Variants in FYN observed in about 807,000 individuals in gnomAD.
FYN encodes the protein tyrosine-protein kinase Fyn.
A neutral mutation model predicts 70.2 loss-of-function variants in FYN; 10 were observed. That is an observed-to-expected ratio of 0.14 (90% CI 0.09 to 0.24). The LOEUF is 0.24. FYN is among the 10% of genes least tolerant of loss of function. The pLI is 1.00. For synonymous variants in FYN, 236 were observed against 248.6 expected (o/e 0.95, Z 0.48); for missense variants, 319 against 673.1 (o/e 0.47, Z 5.82).
At chr6:111,702,470 T>A (rs1562480256) in intron 8 of FYN, 3 of 156,514 alleles carry the variant, frequency 1.9e-5, no homozygotes, top group Non-Finnish European at 2.8e-5. Context: ...CGTGCAGCTA[T>A]TCCTGCAACA....
At chr6:111,731,578 G>C (rs965737349) in intron 3 of FYN, among the ~76,000 whole-genome samples, 8 of 152,214 alleles carry the variant, frequency 5.3e-5, no homozygotes, top group African/African-American at 1.9e-4. Flanking sequence ...CCAGAAATCA[G>C]CAACAACAGC....
At chr6:111,823,240 C>T (rs1260753765) in intron 2 of FYN, among the ~76,000 whole-genome samples, 7 of 152,178 alleles carry the variant, frequency 4.6e-5, no homozygotes, top group Non-Finnish European at 7.3e-5. Context: ...AACGGAGGAC[C>T]CAGAAACCAC....
chr6:111,855,691 A>G (rs1773806205), intron 1 of FYN, among the ~76,000 whole-genome samples: 1 of 152,236 alleles, frequency 6.6e-6, no homozygotes, highest in Non-Finnish European at 1.5e-5. Flanking sequence ...TAACGGTATC[A>G]TAGACAAGTC....
intron 3 of FYN, among the ~76,000 whole-genome samples, chr6:111,726,147 A>T (rs1158727104): frequency 1.3e-5 from 2 of 152,230 alleles, no homozygotes; most frequent in African/African-American, 4.8e-5. Context: ...CAACATAATC[A>T]GCTAACATTT....
intron 2 of FYN, among the ~76,000 whole-genome samples, chr6:111,786,304 G>A (rs372204090): frequency 1.3e-5 from 2 of 152,008 alleles, no homozygotes; most frequent in South Asian, 4.2e-4. Context: ...GTGAGAACAT[G>A]CGGTGTTTGG....
chr6:111,776,798 A>G (rs1405531), intron 3 of FYN, among the ~76,000 whole-genome samples: 12 of 152,294 alleles, frequency 7.9e-5, no homozygotes, highest in Admixed American at 1.3e-4. Context: ...ATAAATTGAC[A>G]TATGTTGCTT....
At chr6:111,864,220 C>T (rs921355437) in intron 1 of FYN, among the ~76,000 whole-genome samples, 2 of 152,168 alleles carry the variant, frequency 1.3e-5, no homozygotes, top group African/African-American at 4.8e-5. Flanking sequence ...TGGGCACCAC[C>T]TCCACCCTCA....
chr6:111,773,059 T>C (rs560437366), intron 3 of FYN, among the ~76,000 whole-genome samples: 1 of 151,106 alleles, frequency 6.6e-6, no homozygotes, highest in Non-Finnish European at 1.5e-5. Flanking sequence ...TGTTTGGTAC[T>C]TTTAAATGGT....
intron 2 of FYN, among the ~76,000 whole-genome samples, chr6:111,829,276 G>C (rs2114403141): frequency 6.6e-6 from 1 of 152,288 alleles, no homozygotes; most frequent in South Asian, 2.1e-4. Flanking sequence ...CAGCAGGGTG[G>C]TCTTGAACAA....
chr6:111,701,062 A>G (rs1429271722), intron 8 of FYN, among the ~76,000 whole-genome samples: 3 of 152,204 alleles, frequency 2.0e-5, no homozygotes, highest in African/African-American at 4.8e-5. Context: ...AATGGAAACT[A>G]AAATTCACAG....
At chr6:111,812,268 G>A (rs576727216) in intron 2 of FYN, among the ~76,000 whole-genome samples, 1 of 152,368 alleles carries the variant, frequency 6.6e-6, no homozygotes, top group East Asian at 1.9e-4. Flanking sequence ...CCTCTGGGAG[G>A]AGGCAGGGCA....
At chr6:111,732,898 G>A (rs904973090) in intron 3 of FYN, among the ~76,000 whole-genome samples, 7 of 152,106 alleles carry the variant, frequency 4.6e-5, no homozygotes, top group South Asian at 2.1e-4. Flanking sequence ...TCGTCTACCC[G>A]AAAGCACCCA....
chr6:111,834,634 G>T (rs1382979835), intron 2 of FYN, among the ~76,000 whole-genome samples: 4 of 152,210 alleles, frequency 2.6e-5, no homozygotes, highest in African/African-American at 9.6e-5. Context: ...TGCTGCAAGG[G>T]AACGTGCAAG....
chr6:111,813,925 G>A (rs1306755758), intron 2 of FYN: 1 of 152,226 alleles, frequency 6.6e-6, no homozygotes, highest in Non-Finnish European at 1.5e-5. Flanking sequence ...GCCCTTGCCA[G>A]ACAGAAGGCA....
At chr6:111,783,536 GCTGCAACGC>G (rs1399666553) in intron 2 of FYN, among the ~76,000 whole-genome samples, 27 of 152,200 alleles carry the variant, frequency 1.8e-4, no homozygotes, top group Non-Finnish European at 3.7e-4. Context: ...TGTTTCAAGA[GCTGCAACGC>G]CTGCATCACC....
intron 2 of FYN, among the ~76,000 whole-genome samples, chr6:111,818,199 T>A (rs1047397327): frequency 3.3e-5 from 5 of 152,120 alleles, no homozygotes; most frequent in African/African-American, 1.2e-4. Context: ...TGCACAGAAA[T>A]GGCAAGGTGA....
chr6:111,829,857 G>C (rs918684611), intron 2 of FYN, among the ~76,000 whole-genome samples: 3 of 152,164 alleles, frequency 2.0e-5, no homozygotes, highest in African/African-American at 7.2e-5. Context: ...CTGGCTTGGT[G>C]CTAGGATGTG....
intron 2 of FYN, among the ~76,000 whole-genome samples, chr6:111,821,054 T>A (rs1013674361): frequency 2.0e-5 from 3 of 152,210 alleles, no homozygotes; most frequent in African/African-American, 4.8e-5. Flanking sequence ...ACTGTCTGAA[T>A]TTTAAAAACA....
At chr6:111,774,832 C>T (rs1394588863) in intron 3 of FYN, among the ~76,000 whole-genome samples, 1 of 152,168 alleles carries the variant, frequency 6.6e-6, no homozygotes, top group Non-Finnish European at 1.5e-5. Context: ...GACTCTCCTG[C>T]CTCAGCCTCC....
Sources: allele counts gnomAD v4.1 joint callset (sites outside exome capture counted in the v4.1 genomes callset), GRCh38; gene constraint gnomAD v4.1.1; transcripts MANE v1.5; gene names NCBI Gene and HGNC (gene_info 2026-07-23, HGNC 2026-07-21).